Variants in SAYSD1 observed in about 807,000 individuals in gnomAD.
SAYSD1 encodes the protein SAYSVFN motif domain containing 1, also known as SAYSvFN domain-containing protein 1.
In SAYSD1, 15 loss-of-function variants were observed where a neutral mutation model predicts 14.5. That is an observed-to-expected ratio of 1.03 (90% confidence interval 0.69 to 1.59). The LOEUF (loss-of-function observed/expected upper bound fraction) is 1.59. Ranked by LOEUF, SAYSD1 falls within the 40% of genes most tolerant of loss-of-function variation. SAYSD1 has a pLI of 0.00. For missense variants in SAYSD1, 247 were observed against 227.3 expected (o/e 1.09, Z -0.56); for synonymous variants, 105 against 102.6 (o/e 1.02, Z -0.14).
Position 39,114,958 on chromosome 6 carries a change from G to A in SAYSD1, c.132C>T (p.Ala44=). 2 of 1,613,906 alleles carry A rather than the reference G, an allele frequency of 1.2e-6. No individual in the cohort carries two copies. Among genetic ancestry groups the A allele is most frequent in the South Asian group, 1.1e-5 (1 of 91,082 alleles). The part of the protein sequence containing the change: ...KAEAAATLKA[A]PGWLKRFLVW... ...CCAGGAACCGCTTTAGCCAGCCTGGGGCTGCCTTTAGAGTCGCTGCTGCTT... is the reference window on the plus strand; with the variant it reads ...CCAGGAACCGCTTTAGCCAGCCTGGAGCTGCCTTTAGAGTCGCTGCTGCTT... The change falls in exon 1 of 2, where the codon GCC becomes GCT. Residue 44 remains alanine (A), a synonymous_variant. Transcript: ENST00000229903.
At chr6:39,109,206 G>T in intron 1 of SAYSD1, 2 of 1,047,696 alleles carry the variant, frequency 1.9e-6, no homozygotes, top group South Asian at 1.4e-5. Flanking sequence ...AGGAGTGGTG[G>T]ATGGGTATGG....
chr6:39,115,033 G>GGCCGCCAGACCCGCCCGTTTCCGC lies in SAYSD1; in HGVS notation c.33_56dup (p.Arg12_Ala19dup). 6.2e-7 allele frequency: 1 copy of GGCCGCCAGACCCGCCCGTTTCCGC among 1,612,690 alleles called. No individual in the cohort carries two copies. The highest frequency in any genetic ancestry group is 8.5e-7 in the Non-Finnish European group (1 of 1,179,868). On this transcript the variant is annotated inframe_insertion, in exon 1 of 2. Coordinates refer to ENST00000229903, the MANE Select transcript of SAYSD1 (RefSeq NM_018322.3). ...CGCCCTGACTGGCAGCAGGGGGTTG[G>GGCCGCCAGACCCGCCCGTTTCCGC]GCCGCCAGACCCGCCCGTTTCCGCG...
chr6:39,107,962 G>T (rs1166504820), intron 1 of SAYSD1, among the ~76,000 whole-genome samples: 1 of 152,148 alleles, frequency 6.6e-6, no homozygotes, highest in Non-Finnish European at 1.5e-5. Context: ...TCTAAGCAGG[G>T]AACTAACCAA....
At chr6:39,112,469 G>C (rs925619074) in intron 1 of SAYSD1, 1 of 153,852 alleles carries the variant, frequency 6.5e-6, no homozygotes, top group African/African-American at 2.4e-5. Context: ...GAGAGCACAA[G>C]ACGTTTCTTT....
chr6:39,108,415 G>C (rs1486280086), intron 1 of SAYSD1, among the ~76,000 whole-genome samples: 1 of 118,172 alleles, frequency 8.5e-6, no homozygotes, highest in African/African-American at 3.5e-5. Flanking sequence ...GCTAGAGGTA[G>C]ATGGGTGTGG....
chr6:39,113,818 A>G (rs1397120769), intron 1 of SAYSD1: 1 of 152,210 alleles, frequency 6.6e-6, no homozygotes, highest in Non-Finnish European at 1.5e-5. Context: ...TCCAAAGACA[A>G]TTAACACAAA....
intron 1 of SAYSD1, among the ~76,000 whole-genome samples, chr6:39,106,259 G>A (rs1769501248): frequency 6.6e-6 from 1 of 152,024 alleles, no homozygotes; most frequent in South Asian, 2.1e-4. Flanking sequence ...AAATCAGCCA[G>A]GTGCACACCT....
rs1348947340 is a variant in SAYSD1 at position 39,105,200 on chromosome 6, C to T, written c.*232G>A. The T allele has an allele frequency of 1.5e-3, 766 of 519,148 alleles. 7 individuals carry two copies. Among genetic ancestry groups the T allele is most frequent in the African/African-American group, 9.8e-3 (513 of 52,152 alleles). 32.2% of individuals were successfully genotyped at this position (519,148 alleles called of 1,614,324 possible). On this transcript the variant is annotated 3_prime_UTR_variant, in exon 2 of 2. Coordinates refer to ENST00000229903, the MANE Select transcript of SAYSD1 (RefSeq NM_018322.3). Reference sequence around the variant, plus strand: ...ACAAACAGGTCTCCCTTCTTGAGTACATAATTTTTATAAATTGCGTCGGAC... The same window carrying T: ...ACAAACAGGTCTCCCTTCTTGAGTATATAATTTTTATAAATTGCGTCGGAC...
intron 1 of SAYSD1, chr6:39,113,446 A>G (rs1034040240): frequency 6.5e-6 from 1 of 152,672 alleles, no homozygotes; most frequent in African/African-American, 2.4e-5. Flanking sequence ...AAAAAATTAA[A>G]TGAGAATTTT....
chr6:39,109,781 G>A (rs562655478), intron 1 of SAYSD1: 1 of 192,986 alleles, frequency 5.2e-6, no homozygotes, highest in Admixed American at 6.5e-5. Flanking sequence ...AAGCTTTATG[G>A]CTGAAGCATA....
chr6:39,110,407 C>T (rs1769603616), intron 1 of SAYSD1: 2 of 190,514 alleles, frequency 1.0e-5, no homozygotes, highest in African/African-American at 4.6e-5. Context: ...GCCAGACTGA[C>T]ATTGGTGACA....
In SAYSD1 at chr6:39,108,423, T is replaced by TA. The variant is rs1554178398; in HGVS notation, c.208-2648_208-2647insT. On this transcript the variant is annotated intron_variant, in intron 1 of 1. Coordinates refer to ENST00000229903, the MANE Select transcript of SAYSD1 (RefSeq NM_018322.3). The stretch of plus-strand genomic sequence containing the variant: ...TTAGGGAGCTAGAGGTAGATGGGTG[T>TA]GGGGGTGGGGGGGTAAACAAACTGA... Among the ~76,000 whole-genome samples the TA allele has an allele frequency of 4.2e-5, 4 of 95,694 alleles. No individual in the cohort carries two copies. The Admixed American group carries it at 4.2e-4, about 10-fold the overall frequency. The allele number at this position is 95,694 out of a possible 152,430, so 62.8% of individuals were successfully genotyped here. A position where few individuals can be genotyped will look rare whatever the true frequency, so the allele number is the denominator to read the frequency against.
Position 39,105,670 on chromosome 6 carries a change from T to C in SAYSD1, c.314A>G (p.Lys105Arg), listed in dbSNP as rs528183094. ...CAGCAGGACCAACCAGAGAAGAACC[T>C]TCAAGAAGGTGATATTGGTCAGGAA... ...QSFLTNITFL[K>R]VLLWLVLLGL... The change falls in exon 2 of 2, where the codon AAG (lysine) becomes AGG (arginine). Residue 105 changes from lysine (K) to arginine (R), a missense_variant. Transcript: ENST00000229903. The C allele has an allele frequency of 3.1e-6, 5 of 1,614,168 alleles. No homozygotes were observed. Among genetic ancestry groups the C allele is most frequent in the Non-Finnish European group, 4.2e-6 (5 of 1,180,032 alleles).
At chr6:39,106,331 C>A (rs1185228741) in intron 1 of SAYSD1, among the ~76,000 whole-genome samples, 1 of 152,030 alleles carries the variant, frequency 6.6e-6, no homozygotes, top group Non-Finnish European at 1.5e-5. Flanking sequence ...AGTTTGAGAC[C>A]AGCCTGGCCA....
rs137882828 is a variant in SAYSD1 at position 39,106,426 on chromosome 6, C to A, written c.208-650G>T. Among the ~76,000 whole-genome samples, 286 of 152,186 alleles carry A rather than the reference C, an allele frequency of 1.9e-3. 3 individuals carry two copies. The highest frequency in any genetic ancestry group is 0.01 in the Middle Eastern group (3 of 294). ...ACTGTAATCCCAGCTACTCAGGAGG[C>A]CAAGGCATGAGAATCGCTCAAACCT... On this transcript the variant is annotated intron_variant, in intron 1 of 1. Coordinates refer to ENST00000229903, the MANE Select transcript of SAYSD1 (RefSeq NM_018322.3).
At chr6:39,106,969 T>C (rs1406119842) in intron 1 of SAYSD1, among the ~76,000 whole-genome samples, 1 of 152,232 alleles carries the variant, frequency 6.6e-6, no homozygotes, top group Non-Finnish European at 1.5e-5. Flanking sequence ...CCAGAATACA[T>C]ATATGCAACA....
At position 39,105,664 on chromosome 6, in the gene SAYSD1, A is replaced by C; in HGVS notation, c.320T>G (p.Leu107Arg). ...CAGTCCCAGCAGGACCAACCAGAGA[A>C]GAACCTTCAAGAAGGTGATATTGGT... ...FLTNITFLKV[L>R]LWLVLLGLFV... Residue 107 changes from leucine to arginine, a missense_variant, in exon 2 of 2, where the codon CTT becomes CGT. Leu to Arg is a moderately radical substitution (Grantham distance 102). Coordinates refer to ENST00000229903, the MANE Select transcript of SAYSD1 (RefSeq NM_018322.3). The C allele has an allele frequency of 6.2e-7, 1 of 1,614,248 alleles. No homozygotes were observed. Among genetic ancestry groups the C allele is most frequent in the East Asian group, 2.2e-5 (1 of 44,892 alleles).
intron 1 of SAYSD1, among the ~76,000 whole-genome samples, chr6:39,109,853 T>C (rs1468292302): frequency 6.6e-6 from 1 of 152,122 alleles, no homozygotes; most frequent in Non-Finnish European, 1.5e-5. Flanking sequence ...ACAGGACAGG[T>C]CATTTACCAT....
chr6:39,109,631 A>G, intron 1 of SAYSD1: 1 of 1,231,006 alleles, frequency 8.1e-7, no homozygotes, highest in South Asian at 2.1e-5. Flanking sequence ...CTGTAGATGG[A>G]CAGGAGATAA....
Sources: gnomAD v4.1 joint callset for allele counts (sites outside exome capture counted in the v4.1 genomes callset) on GRCh38, gnomAD v4.1.1 for gene constraint, MANE v1.5 for transcripts, NCBI Gene and HGNC (gene_info 2026-07-23, HGNC 2026-07-21) for gene names.